Variants in NCAN observed in about 807,000 individuals in gnomAD.
NCAN encodes neurocan, also known as neurocan core protein.
Under a neutral mutation model 121.8 loss-of-function variants are expected in NCAN, and 47 were observed. The observed-to-expected ratio is 0.39, with a 90% CI of 0.31 to 0.49. NCAN has a LOEUF of 0.49. NCAN is among the 20% of genes least tolerant of loss of function. NCAN has a pLI of 0.92. For missense variants in NCAN, 1,517 were observed against 1,773.4 expected, an observed-to-expected ratio of 0.86 and a Z score of 2.60; for synonymous variants, 633 against 702.0, an observed-to-expected ratio of 0.90 and a Z score of 1.55.
chr19:19,249,809 A>ACACCACCACCAGCAT lies in NCAN; in HGVS notation c.3874_3888dup (p.Gln1292_His1296dup). On this transcript the variant is annotated inframe_insertion, in exon 15 of 15. Coordinates refer to ENST00000252575, the MANE Select transcript of NCAN (RefSeq NM_004386.3). ...TGCGGCGACACCACCACCACCACCA[A>ACACCACCACCAGCAT]CACCACCACCAGCATCACCACCACA... The ACACCACCACCAGCAT allele has an allele frequency of 6.2e-7, 1 of 1,612,032 alleles. No homozygotes were observed. Among genetic ancestry groups the ACACCACCACCAGCAT allele is most frequent in the South Asian group, 1.1e-5 (1 of 90,840 alleles).
At position 19,245,329 on chromosome 19, in the gene NCAN, G is replaced by A. The variant is rs776772645; in HGVS notation, c.3509G>A (p.Arg1170Gln). The A allele has an allele frequency of 6.8e-6, 11 of 1,614,086 alleles. No individual in the cohort carries two copies. Among genetic ancestry groups the A allele is most frequent in the African/African-American group, 1.3e-5 (1 of 74,944 alleles). The change falls in exon 13 of 15, where the codon CGA (arginine) becomes CAA (glutamine). Residue 1170 changes from arginine to glutamine, a missense_variant. Coordinates refer to ENST00000252575, the MANE Select transcript of NCAN (RefSeq NM_004386.3). ...TTCCTGCAGCAATTTGAGAACTGGCGAGAGAACCAGCCGGACAATTTCTTC... is the reference window on the plus strand; with the variant it reads ...TTCCTGCAGCAATTTGAGAACTGGCAAGAGAACCAGCCGGACAATTTCTTC... The part of the protein sequence containing the change: ...DNTGLQFENW[R>Q]ENQPDNFFAG...
intron 10 of NCAN, among the ~76,000 whole-genome samples, chr19:19,236,537 C>T (rs921386590): frequency 1.3e-3 from 202 of 152,022 alleles, no homozygotes; most frequent in African/African-American, 4.7e-3. Context: ...TCCCTCTACT[C>T]TTTTTGGTGT....
intron 1 of NCAN, among the ~76,000 whole-genome samples, chr19:19,213,900 C>G (rs2060785913): frequency 6.6e-6 from 1 of 152,194 alleles, no homozygotes; most frequent in Admixed American, 6.5e-5. Context: ...CACCCTGACT[C>G]TCAGGTCAGA....
intron 11 of NCAN, 145 bp downstream of exon 11, chr19:19,238,556 GCTT>G (rs1853611276): frequency 2.9e-5 from 24 of 830,634 alleles, no homozygotes; most frequent in Non-Finnish European, 4.3e-5. Flanking sequence ...AGCCCTGACT[GCTT>G]CTTAATGCAT....
rs1188200344 is a variant in NCAN at position 19,219,328 on chromosome 19, G to A, written c.475+12G>A. 2.0e-6 allele frequency: 3 copies of A among 1,504,566 alleles called. No homozygotes were observed. Among genetic ancestry groups the A allele is most frequent in the Non-Finnish European group, 2.7e-6 (3 of 1,127,068 alleles). The allele number at this position is 1,504,566 out of a possible 1,614,324, so 93.2% of individuals were successfully genotyped here. A position where few individuals can be genotyped will look rare whatever the true frequency, so the allele number is the denominator to read the frequency against. On this transcript the variant is annotated intron_variant, in intron 3 of 14. Coordinates refer to ENST00000252575, the MANE Select transcript of NCAN (RefSeq NM_004386.3). ...CTTGGAGGTGACAGGTCAGTTGGGG[G>A]CAAAGGAGGGGCCGGGGGCCGGGGA...
chr19:19,241,312 C>T (rs1030685487), intron 12 of NCAN, among the ~76,000 whole-genome samples: 1 of 151,962 alleles, frequency 6.6e-6, no homozygotes, highest in East Asian at 1.9e-4. Context: ...CTTGTAATCC[C>T]AGCACTTTGG....
chr19:19,228,091 C>T lies in NCAN; in HGVS notation c.2471C>T (p.Pro824Leu), dbSNP rs1358917860. 1 of 1,613,430 alleles carries T rather than the reference C, an allele frequency of 6.2e-7. No individual in the cohort carries two copies. Among genetic ancestry groups the T allele is most frequent in the African/African-American group, 1.3e-5 (1 of 74,852 alleles). The change falls in exon 8 of 15, where the codon CCC becomes CTC. Residue 824 changes from proline (P) to leucine (L), a missense_variant. Coordinates refer to ENST00000252575, the MANE Select transcript of NCAN (RefSeq NM_004386.3). ...CCTTGGGTTGCTACAGATGAAGGAC[C>T]CACTGTGAATCCCATGGATTCCACA... ...LEPWVATDEG[P>L]TVNPMDSTVT... is the part of the protein sequence containing the mutation.
In NCAN at chr19:19,218,954, A is replaced by G. The variant is rs1163063700; in HGVS notation, c.113A>G (p.His38Arg). 2 of 1,530,442 alleles carry G rather than the reference A, an allele frequency of 1.3e-6. No individual in the cohort carries two copies. Among genetic ancestry groups the G allele is most frequent in the East Asian group, 2.3e-5 (1 of 43,762 alleles). 94.8% of individuals were successfully genotyped at this position (1,530,442 alleles called of 1,614,324 possible). ...ACCGATGCCAGCGAAAGGGGGCTCC[A>G]CATGCAGAAGCTGGGGTCTGGGTCA... is the stretch of plus-strand genomic sequence containing the variant. Reference protein sequence around the residue: ...DITDASERGLHMQKLGSGSVQ... With the variant: ...DITDASERGLRMQKLGSGSVQ... The change falls in exon 3 of 15, where the codon CAC (histidine) becomes CGC (arginine). Residue 38 changes from histidine to arginine, a missense_variant. His to Arg is a conservative substitution (Grantham distance 29). Coordinates refer to ENST00000252575, the MANE Select transcript of NCAN (RefSeq NM_004386.3).
rs1364751341 is a variant in NCAN, at chr19:19,238,322, G to A, written c.3320G>A (p.Arg1107Lys). ...GHCYRYFAHR[R>K]AWEDAEKDCR... ...TGTTACCGCTATTTTGCCCACCGGA[G>A]GGCATGGGAAGATGCCGAGAAGGAC... is the stretch of plus-strand genomic sequence containing the variant. The change falls in exon 11 of 15, where the codon AGG becomes AAG. Residue 1107 changes from arginine (R) to lysine (K), a missense_variant. Transcript: ENST00000252575. 3 of 1,614,198 alleles carry A rather than the reference G, an allele frequency of 1.9e-6. No homozygotes were observed. Among genetic ancestry groups the A allele is most frequent in the Non-Finnish European group, 2.5e-6 (3 of 1,180,048 alleles).
intron 3 of NCAN, among the ~76,000 whole-genome samples, chr19:19,223,425 G>T (rs1052529295): frequency 1.3e-5 from 2 of 152,006 alleles, no homozygotes; most frequent in African/African-American, 4.8e-5. Context: ...AATCAGATTT[G>T]TTGTAAGAGT....
chr19:19,238,637 A>G lies in NCAN; in HGVS notation c.3409+226A>G, dbSNP rs1256726001. 4 of 581,898 alleles carry G rather than the reference A, an allele frequency of 6.9e-6. No individual in the cohort carries two copies. The East Asian group carries it at 9.2e-5, about 13-fold the overall frequency. 36.0% of individuals were successfully genotyped at this position (581,898 alleles called of 1,614,324 possible). ...TCATTCATTCACCAAATATTTACTG[A>G]GCACCTGCTATATGCCAGGCACCAT... On this transcript the variant is annotated intron_variant, in intron 11 of 14. Coordinates refer to ENST00000252575, the MANE Select transcript of NCAN (RefSeq NM_004386.3).
Position 19,248,883 on chromosome 19 carries a change from G to GT in NCAN, c.3820+2dup. ...AGGCCCCAAATTGTCTGCACCAAACGTAAGTAGCTTCTCCCAGAGATCTCA... is the reference window on the plus strand; with the variant it reads ...AGGCCCCAAATTGTCTGCACCAAACGTTAAGTAGCTTCTCCCAGAGATCTCA... On this transcript the variant is annotated splice_donor_variant, in intron 14 of 14. Transcript: ENST00000252575. LOFTEE classifies it high-confidence loss of function. 2 of 1,613,528 alleles carry GT rather than the reference G, an allele frequency of 1.2e-6. No homozygotes were observed. Among genetic ancestry groups the GT allele is most frequent in the Non-Finnish European group, 8.5e-7 (1 of 1,179,608 alleles).
At chr19:19,235,650 C>G (rs370990291) in intron 10 of NCAN, among the ~76,000 whole-genome samples, 15 of 151,470 alleles carry the variant, frequency 9.9e-5, no homozygotes, top group African/African-American at 3.6e-4. Flanking sequence ...AATCTCAGCT[C>G]ACTGCAACCT....
chr19:19,238,227 C>G (rs777875677), intron 10 of NCAN, 26 bp from the exon 11 acceptor site: 129 of 1,613,510 alleles, frequency 8.0e-5, no homozygotes, highest in Non-Finnish European at 1.0e-4. Flanking sequence ...GCCAGCCCCC[C>G]CTCACGCTCC....
chr19:19,244,955 G>A (rs773654699), intron 12 of NCAN, among the ~76,000 whole-genome samples: 35 of 151,610 alleles, frequency 2.3e-4, no homozygotes, highest in Non-Finnish European at 4.3e-4. Context: ...CAGGTGATCC[G>A]CCCACCTCGG....
At chr19:19,241,531 G>A (rs898994727) in intron 12 of NCAN, among the ~76,000 whole-genome samples, 17 of 151,918 alleles carry the variant, frequency 1.1e-4, no homozygotes, top group Non-Finnish European at 1.9e-4. Context: ...AAAATCTGGC[G>A]GTTCCTCACA....
intron 8 of NCAN, among the ~76,000 whole-genome samples, chr19:19,230,584 A>G (rs949407014): frequency 6.7e-6 from 1 of 150,260 alleles, no homozygotes; most frequent in African/African-American, 2.4e-5. Context: ...TGTATTTTTT[A>G]TAGACAGGGT....
At chr19:19,249,058 TG>T in intron 14 of NCAN, 176 bp downstream of exon 14, 1 of 606,466 alleles carries the variant, frequency 1.6e-6, no homozygotes, top group Non-Finnish European at 2.9e-6. Flanking sequence ...TGTGTGTGTG[TG>T]TGTGTGTGTG....
chr19:19,224,241 G>T, intron 4 of NCAN, 46 bp downstream of exon 4: 1 of 1,593,084 alleles, frequency 6.3e-7, no homozygotes, highest in Non-Finnish European at 8.6e-7. Flanking sequence ...AGCTCATGGG[G>T]AAGGAGGTTC....
Sources: gnomAD v4.1 joint callset for allele counts (sites outside exome capture counted in the v4.1 genomes callset) on GRCh38, gnomAD v4.1.1 for gene constraint, MANE v1.5 for transcripts, NCBI Gene and HGNC (gene_info 2026-07-23, HGNC 2026-07-21) for gene names.